Variants in GRIN2B observed in about 807,000 individuals in gnomAD.
GRIN2B encodes the protein glutamate ionotropic receptor NMDA type subunit 2B.
Under a neutral mutation model 114.5 loss-of-function variants are expected in GRIN2B, and 5 were observed. That is an observed-to-expected ratio of 0.04 (90% confidence interval 0.02 to 0.09). GRIN2B has a LOEUF of 0.09. Among genes scored for constraint, GRIN2B ranks in the 10% least tolerant of loss-of-function variants. The pLI is 1.00. For synonymous variants in GRIN2B, 787 were observed against 745.1 expected, an observed-to-expected ratio of 1.06 and a Z score of -0.92; for missense variants, 1,108 against 1,943.5, an observed-to-expected ratio of 0.57 and a Z score of 8.08.
chr12:13,979,129 G>C (rs1463703164), intron 2 of GRIN2B, among the ~76,000 whole-genome samples: 1 of 152,142 alleles, frequency 6.6e-6, no homozygotes, highest in African/African-American at 2.4e-5. Flanking sequence ...AGTTTGCTTG[G>C]AGGATGTGTG....
At chr12:13,794,416 T>C (rs115734489) in intron 3 of GRIN2B, among the ~76,000 whole-genome samples, 115 of 152,264 alleles carry the variant, frequency 7.6e-4, no homozygotes, top group African/African-American at 2.7e-3. Context: ...ACTGCTCTAC[T>C]AAATTAAATG....
intron 2 of GRIN2B, among the ~76,000 whole-genome samples, chr12:13,967,030 T>C (rs1393970039): frequency 6.6e-6 from 1 of 152,050 alleles, no homozygotes; most frequent in South Asian, 2.1e-4. Context: ...GCAGGGAAAA[T>C]GTAAAAAACC....
intron 2 of GRIN2B, among the ~76,000 whole-genome samples, chr12:13,937,096 AGGGG>A (rs761130234): frequency 3.1e-5 from 4 of 128,930 alleles, no homozygotes; most frequent in African/African-American, 8.6e-5. Flanking sequence ...AAAAAAAAAA[AGGGG>A]GGGGGGAAGA....
At chr12:13,942,440 A>G (rs1024281222) in intron 2 of GRIN2B, among the ~76,000 whole-genome samples, 2 of 152,232 alleles carry the variant, frequency 1.3e-5, no homozygotes, top group Non-Finnish European at 2.9e-5. Context: ...ATGTAATTAA[A>G]TGTAATTCAT....
chr12:13,946,485 A>C (rs1867365273), intron 2 of GRIN2B, among the ~76,000 whole-genome samples: 2 of 152,164 alleles, frequency 1.3e-5, no homozygotes, highest in East Asian at 3.9e-4. Flanking sequence ...TGTAATATAT[A>C]GGTTACATTA....
At chr12:13,901,116 T>G (rs539585496) in intron 2 of GRIN2B, among the ~76,000 whole-genome samples, 2 of 152,300 alleles carry the variant, frequency 1.3e-5, no homozygotes, top group East Asian at 3.9e-4. Context: ...GAAGTATTCC[T>G]CTTCTACATT....
At chr12:13,802,800 T>G (rs1330691257) in intron 3 of GRIN2B, among the ~76,000 whole-genome samples, 1 of 152,218 alleles carries the variant, frequency 6.6e-6, no homozygotes, top group Non-Finnish European at 1.5e-5. Context: ...TCTAGTGAGA[T>G]TAACTATCTG....
intron 4 of GRIN2B, among the ~76,000 whole-genome samples, chr12:13,700,274 C>T (rs1191775067): frequency 1.3e-5 from 2 of 152,100 alleles, no homozygotes; most frequent in African/African-American, 2.4e-5. Flanking sequence ...TCCTCTTGGC[C>T]TATGTAATTT....
intron 4 of GRIN2B, among the ~76,000 whole-genome samples, chr12:13,691,690 T>G (rs1202578109): frequency 6.6e-6 from 1 of 152,010 alleles, no homozygotes; most frequent in Non-Finnish European, 1.5e-5. Flanking sequence ...GGGGTGAGTG[T>G]AGAAGAGATA....
intron 3 of GRIN2B, among the ~76,000 whole-genome samples, chr12:13,784,672 C>T (rs2136658818): frequency 6.6e-6 from 1 of 152,316 alleles, no homozygotes. Flanking sequence ...GCTTTGCATA[C>T]TTCTGCTTTC....
chr12:13,563,093 AC>A lies in GRIN2B; in HGVS notation c.4144del (p.Val1382SerfsTer67). On this transcript the variant is annotated frameshift_variant, in exon 14 of 14. Coordinates refer to ENST00000609686, the MANE Select transcript of GRIN2B (RefSeq NM_000834.5). LOFTEE classifies it high-confidence loss of function. ...MLSKSLYPDRVTQNPFIPTFG... is the reference protein window; with the variant it reads ...MLSKSLYPDRXTQNPFIPTFG... ...AGTGGGGATGAAAGGGTTTTGCGTG[AC>A]CCGGTCAGGGTAGAGCGACTTGCTG... 6.2e-7 allele frequency: 1 copy of A among 1,614,120 alleles called. No homozygotes were observed. Among genetic ancestry groups the A allele is most frequent in the Non-Finnish European group, 8.5e-7 (1 of 1,180,020 alleles).
At chr12:13,981,047 C>T (rs1047229429) in intron 1 of GRIN2B, among the ~76,000 whole-genome samples, 1 of 152,066 alleles carries the variant, frequency 6.6e-6, no homozygotes, top group Non-Finnish European at 1.5e-5. Context: ...CGGATGGGCT[C>T]GGCGCGTGGG....
At chr12:13,818,943 A>C (rs2136691364) in intron 3 of GRIN2B, among the ~76,000 whole-genome samples, 1 of 152,344 alleles carries the variant, frequency 6.6e-6, no homozygotes, top group Middle Eastern at 3.4e-3. Flanking sequence ...GAAAGAATAC[A>C]TTCACACATT....
At chr12:13,849,081 G>A (rs1175109753) in intron 3 of GRIN2B, among the ~76,000 whole-genome samples, 1 of 152,138 alleles carries the variant, frequency 6.6e-6, no homozygotes, top group African/African-American at 2.4e-5. Flanking sequence ...TGTTCTTGGA[G>A]AACAACAGTG....
intron 2 of GRIN2B, among the ~76,000 whole-genome samples, chr12:13,978,877 G>A (rs1863079088): frequency 6.6e-6 from 1 of 152,136 alleles, no homozygotes; most frequent in Non-Finnish European, 1.5e-5. Context: ...CATTTCTCCT[G>A]CTATTTCTCT....
intron 5 of GRIN2B, among the ~76,000 whole-genome samples, chr12:13,674,297 T>C (rs80171688): frequency 0.094 from 14,258 of 152,062 alleles, 832 homozygotes; most frequent in Middle Eastern, 0.24. Flanking sequence ...GATTTTGAGG[T>C]TGCAGTGAGC....
intron 3 of GRIN2B, among the ~76,000 whole-genome samples, chr12:13,772,731 A>C (rs183646850): frequency 1.5e-4 from 23 of 152,342 alleles, no homozygotes; most frequent in African/African-American, 5.5e-4. Flanking sequence ...TGAATCACTT[A>C]AGACACAATT....
At position 13,573,598 on chromosome 12, in the gene GRIN2B, T is replaced by C. The variant is rs191703844; in HGVS notation, c.2011-1634A>G. On this transcript the variant is annotated intron_variant, in intron 10 of 13. Coordinates refer to ENST00000609686, the MANE Select transcript of GRIN2B (RefSeq NM_000834.5). ...TATTCTATTAGTACAGCAATGATCA[T>C]TGTAGCTGTGCTGTGCTTTGGCATC... 1.5e-3 allele frequency among the ~76,000 whole-genome samples: 227 copies of C among 152,218 alleles called. 17 individuals carry two copies. Among genetic ancestry groups the C allele is most frequent in the Middle Eastern group, 6.8e-3 (2 of 294 alleles).
chr12:13,569,123 G>A, intron 12 of GRIN2B, among the ~76,000 whole-genome samples: 1 of 152,136 alleles, frequency 6.6e-6, no homozygotes, highest in South Asian at 2.1e-4. Flanking sequence ...CTTTATCCCT[G>A]AAGGTTTGAT....
Sources: gnomAD v4.1 joint callset for allele counts (sites outside exome capture counted in the v4.1 genomes callset) on GRCh38, gnomAD v4.1.1 for gene constraint, MANE v1.5 for transcripts, NCBI Gene and HGNC (gene_info 2026-07-23, HGNC 2026-07-21) for gene names.